Variants in NAV2 observed in about 807,000 individuals in gnomAD.
The protein encoded by NAV2 is helicase, APC down-regulated 1.
In NAV2, 54 loss-of-function variants were observed where a neutral mutation model predicts 223.2. That is an observed-to-expected ratio of 0.24 (90% confidence interval 0.19 to 0.30). The LOEUF (loss-of-function observed/expected upper bound fraction) is 0.30, where lower values mean the gene tolerates loss of function less well. NAV2 is among the 10% of genes least tolerant of loss of function. The pLI is 1.00. For missense variants in NAV2, 2,806 were observed against 3,147.5 expected (o/e 0.89, Z 2.60); for synonymous variants, 1,279 against 1,239.3 (o/e 1.03, Z -0.67).
intron 1 of NAV2, among the ~76,000 whole-genome samples, chr11:19,414,775 C>T (rs936020313): frequency 6.6e-6 from 1 of 152,202 alleles, no homozygotes; most frequent in Non-Finnish European, 1.5e-5. Flanking sequence ...CAAATTAGAA[C>T]TCAGGATTAA....
chr11:19,416,641 C>T (rs943694749), intron 1 of NAV2, among the ~76,000 whole-genome samples: 3 of 152,174 alleles, frequency 2.0e-5, no homozygotes, highest in African/African-American at 7.2e-5. Flanking sequence ...ACAGCCAAGA[C>T]AATCCTAAGC....
chr11:20,116,976 A>G (rs901019311), intron 37 of NAV2, among the ~76,000 whole-genome samples: 1 of 152,148 alleles, frequency 6.6e-6, no homozygotes, highest in African/African-American at 2.4e-5. Context: ...ATTGTCCATT[A>G]TACTTCAGCT....
intron 1 of NAV2, among the ~76,000 whole-genome samples, chr11:19,391,530 G>A (rs1392879196): frequency 2.0e-5 from 3 of 152,222 alleles, no homozygotes; most frequent in East Asian, 1.9e-4. Flanking sequence ...TACATTGGAG[G>A]AGGATGTTGA....
intron 10 of NAV2, among the ~76,000 whole-genome samples, chr11:19,977,726 A>G (rs989610497): frequency 6.8e-6 from 1 of 146,570 alleles, no homozygotes; most frequent in African/African-American, 2.5e-5. Context: ...ATATTTTTGC[A>G]TTTCAGAGCA....
chr11:19,897,263 T>A (rs1159749020), intron 6 of NAV2, among the ~76,000 whole-genome samples: 1 of 152,006 alleles, frequency 6.6e-6, no homozygotes, highest in Non-Finnish European at 1.5e-5. Context: ...GGATAGCATT[T>A]GGAGATATAC....
At chr11:20,110,603 G>A (rs2062544330) in intron 36 of NAV2, among the ~76,000 whole-genome samples, 1 of 152,134 alleles carries the variant, frequency 6.6e-6, no homozygotes, top group African/African-American at 2.4e-5. Flanking sequence ...GGCTACTTCT[G>A]TTATTTTCAG....
chr11:19,884,547 T>G (rs1032639284), intron 5 of NAV2, among the ~76,000 whole-genome samples: 1 of 152,190 alleles, frequency 6.6e-6, no homozygotes, highest in Non-Finnish European at 1.5e-5. Flanking sequence ...CATGGGATTG[T>G]TGCAAGTGTG....
At chr11:19,401,176 T>A (rs1438732997) in intron 1 of NAV2, among the ~76,000 whole-genome samples, 2 of 152,232 alleles carry the variant, frequency 1.3e-5, no homozygotes, top group African/African-American at 2.4e-5. Flanking sequence ...CTATTTGTCT[T>A]TAAGAATATA....
chr11:19,451,170 G>A (rs1231113950), intron 1 of NAV2, among the ~76,000 whole-genome samples: 1 of 152,112 alleles, frequency 6.6e-6, no homozygotes, highest in African/African-American at 2.4e-5. Context: ...AGCTCTGTCT[G>A]CCCCTTGTTT....
At chr11:19,733,239 T>C (rs1346136043) in intron 1 of NAV2, among the ~76,000 whole-genome samples, 1 of 152,246 alleles carries the variant, frequency 6.6e-6, no homozygotes, top group Non-Finnish European at 1.5e-5. Flanking sequence ...CAGCTCTGTG[T>C]TGGAGCTTCT....
rs1480891526 is a variant in NAV2 at position 19,368,434 on chromosome 11, G to A, written c.75+17407G>A. 2.6e-5 allele frequency among the ~76,000 whole-genome samples: 4 copies of A among 152,210 alleles called. No homozygotes were observed. In the East Asian group the frequency reaches 7.7e-4, roughly 29 times the overall value. On this transcript the variant is annotated intron_variant, in intron 1 of 37. Transcript: ENST00000360655. ...GGGGCCAAGCTTCTTCCCATCTACT[G>A]CAGCAGGACTGTATAAGAAGAAACT...
At chr11:19,420,151 G>C (rs1590171638) in intron 1 of NAV2, among the ~76,000 whole-genome samples, 1 of 152,190 alleles carries the variant, frequency 6.6e-6, no homozygotes, top group East Asian at 1.9e-4. Flanking sequence ...CCTATGGACT[G>C]TTGTGTTTCT....
intron 1 of NAV2, among the ~76,000 whole-genome samples, chr11:19,595,617 C>T (rs1405286332): frequency 2.6e-5 from 4 of 151,262 alleles, no homozygotes; most frequent in African/African-American, 7.3e-5. Context: ...TGCAATGGCA[C>T]GATCATGACT....
chr11:19,851,755 A>G (rs938266628), intron 3 of NAV2, among the ~76,000 whole-genome samples: 3 of 152,182 alleles, frequency 2.0e-5, no homozygotes, highest in Middle Eastern at 3.2e-3. Context: ...ATCCCCAACA[A>G]TGTTCACATC....
At chr11:20,004,844 C>T (rs1484973726) in intron 11 of NAV2, among the ~76,000 whole-genome samples, 2 of 152,134 alleles carry the variant, frequency 1.3e-5, no homozygotes, top group Non-Finnish European at 2.9e-5. Flanking sequence ...AGACCTTGAA[C>T]CCAAGGCAGT....
intron 1 of NAV2, among the ~76,000 whole-genome samples, chr11:19,700,816 T>C (rs552212234): frequency 6.6e-6 from 1 of 152,360 alleles, no homozygotes; most frequent in African/African-American, 2.4e-5. Context: ...AATTACAATT[T>C]CCCTGATTGG....
chr11:20,048,230 A>G (rs1353191679), intron 14 of NAV2, among the ~76,000 whole-genome samples: 1 of 152,206 alleles, frequency 6.6e-6, no homozygotes, highest in East Asian at 1.9e-4. Flanking sequence ...GGCCCCCTCC[A>G]GATCTAAATT....
intron 1 of NAV2, among the ~76,000 whole-genome samples, chr11:19,691,027 T>A (rs117371917): frequency 6.6e-6 from 1 of 152,172 alleles, no homozygotes; most frequent in East Asian, 1.9e-4. Context: ...TTCTGAAACT[T>A]TTTTGTACAA....
intron 12 of NAV2, among the ~76,000 whole-genome samples, chr11:20,037,129 G>T (rs2056448808): frequency 6.6e-6 from 1 of 152,042 alleles, no homozygotes; most frequent in Non-Finnish European, 1.5e-5. Flanking sequence ...TTTCATGATT[G>T]ATCCCTCCCA....
Sources: gnomAD v4.1 joint callset for allele counts (sites outside exome capture counted in the v4.1 genomes callset) on GRCh38, gnomAD v4.1.1 for gene constraint, MANE v1.5 for transcripts, NCBI Gene and HGNC (gene_info 2026-07-23, HGNC 2026-07-21) for gene names.